SGCZ: variants seen among roughly 807,000 people sequenced by gnomAD.
SGCZ encodes the protein sarcoglycan zeta, also known as zeta-sarcoglycan.
A neutral mutation model predicts 41.3 loss-of-function variants in SGCZ; 40 were observed. The ratio of observed to expected loss-of-function variants is 0.97; its 90% confidence interval spans 0.75 to 1.26. The LOEUF (loss-of-function observed/expected upper bound fraction) is 1.26, where lower values mean the gene tolerates loss of function less well. Ranked by LOEUF, SGCZ falls within the 50% of genes most tolerant of loss-of-function variation. SGCZ has a pLI of 0.00. For synonymous variants in SGCZ, 206 were observed against 137.5 expected (o/e 1.50, Z -3.49); for missense variants, 552 against 369.8 (o/e 1.49, Z -4.04).
intron 1 of SGCZ, among the ~76,000 whole-genome samples, chr8:14,750,617 A>T (rs1231484465): frequency 6.6e-6 from 1 of 152,178 alleles, no homozygotes; most frequent in East Asian, 1.9e-4. Flanking sequence ...TAAAGCCTTT[A>T]AAACACATTA....
In SGCZ at chr8:14,834,214, T is replaced by G. The variant is rs1418098512; in HGVS notation, c.40-279288A>C. Reference sequence around the variant, plus strand: ...TGTCCTTCCTTAAAGAAATTCCTGATGCTGATAAATTAATCATTACCTGAA... The same window carrying G: ...TGTCCTTCCTTAAAGAAATTCCTGAGGCTGATAAATTAATCATTACCTGAA... On this transcript the variant is annotated intron_variant, in intron 1 of 7. Coordinates refer to ENST00000382080, the MANE Select transcript of SGCZ (RefSeq NM_139167.4). Among the ~76,000 whole-genome samples the G allele has an allele frequency of 7.9e-5, 12 of 152,218 alleles. No individual in the cohort carries two copies. The East Asian group carries it at 1.9e-3, about 24-fold the overall frequency.
intron 1 of SGCZ, among the ~76,000 whole-genome samples, chr8:14,573,672 T>C (rs1804627422): frequency 1.3e-5 from 2 of 152,142 alleles, no homozygotes; most frequent in Non-Finnish European, 1.5e-5. Context: ...GGTTCCCAAT[T>C]TCCAGCATCA....
chr8:14,738,342 T>C (rs1343018605), intron 1 of SGCZ, among the ~76,000 whole-genome samples: 1 of 152,134 alleles, frequency 6.6e-6, no homozygotes, highest in African/African-American at 2.4e-5. Context: ...TCCTTCATCA[T>C]GTGTGATCTA....
intron 1 of SGCZ, among the ~76,000 whole-genome samples, chr8:15,053,293 T>A (rs1804584265): frequency 6.6e-6 from 1 of 152,200 alleles, no homozygotes; most frequent in South Asian, 2.1e-4. Context: ...GTTTTTCTTT[T>A]ATTTGTTTTC....
At chr8:14,682,777 C>A (rs1468219950) in intron 1 of SGCZ, among the ~76,000 whole-genome samples, 1 of 152,130 alleles carries the variant, frequency 6.6e-6, no homozygotes, top group Non-Finnish European at 1.5e-5. Context: ...ATGCAGAATA[C>A]TTTACCTTAA....
chr8:14,682,339 T>C (rs1194191735), intron 1 of SGCZ, among the ~76,000 whole-genome samples: 1 of 152,144 alleles, frequency 6.6e-6, no homozygotes, highest in Non-Finnish European at 1.5e-5. Flanking sequence ...CAGATGGTGA[T>C]AATAGGAACA....
chr8:14,489,003 G>GTA (rs895048310), intron 2 of SGCZ, among the ~76,000 whole-genome samples: 85 of 147,856 alleles, frequency 5.7e-4, no homozygotes, highest in Non-Finnish European at 9.7e-4. Context: ...TAATATATAT[G>GTA]TATATATATA....
intron 1 of SGCZ, among the ~76,000 whole-genome samples, chr8:14,849,165 C>T (rs905129680): frequency 3.3e-5 from 5 of 152,064 alleles, no homozygotes; most frequent in Non-Finnish European, 5.9e-5. Flanking sequence ...ATTAAAGAGA[C>T]TGCTTGTGTC....
chr8:14,266,386 G>A (rs1206894711), intron 3 of SGCZ, among the ~76,000 whole-genome samples: 1 of 151,962 alleles, frequency 6.6e-6, no homozygotes, highest in East Asian at 1.9e-4. Context: ...TTCCACAGAA[G>A]CACCAAGATA....
chr8:14,457,585 G>T (rs373824398), intron 2 of SGCZ, among the ~76,000 whole-genome samples: 1 of 152,290 alleles, frequency 6.6e-6, no homozygotes, highest in Non-Finnish European at 1.5e-5. Flanking sequence ...CTCCTAGTCC[G>T]CCTTCATGTT....
chr8:14,352,066 T>A (rs1803120311), intron 2 of SGCZ, among the ~76,000 whole-genome samples: 1 of 152,174 alleles, frequency 6.6e-6, no homozygotes, highest in Admixed American at 6.6e-5. Flanking sequence ...TAGTATTATT[T>A]ACATTACATA....
At chr8:14,484,670 G>A (rs1036425418) in intron 2 of SGCZ, among the ~76,000 whole-genome samples, 1 of 151,850 alleles carries the variant, frequency 6.6e-6, no homozygotes, top group Non-Finnish European at 1.5e-5. Context: ...CTGAAAGATG[G>A]GAATATTATA....
intron 1 of SGCZ, among the ~76,000 whole-genome samples, chr8:15,233,788 CAATTAGCAGAAAA>C (rs746628823): frequency 4.6e-5 from 7 of 152,094 alleles, no homozygotes; most frequent in Non-Finnish European, 8.8e-5. Context: ...TCATGTTCTG[CAATTAGCAGAAAA>C]AAACTAATTT....
intron 1 of SGCZ, among the ~76,000 whole-genome samples, chr8:14,896,884 G>A (rs145666792): frequency 0.017 from 2,617 of 151,930 alleles, 80 homozygotes; most frequent in African/African-American, 0.059. Context: ...GGGTTGAAGC[G>A]ATTCTCCCGC....
intron 1 of SGCZ, among the ~76,000 whole-genome samples, chr8:14,767,469 C>T (rs117408641): frequency 1.3e-5 from 2 of 152,246 alleles, no homozygotes; most frequent in East Asian, 3.9e-4. Flanking sequence ...ATCAATTTTA[C>T]TCTAGCATTT....
intron 6 of SGCZ, 127 bp from the exon 7 acceptor site, chr8:14,102,626 A>G (rs1482184359): frequency 1.1e-6 from 1 of 872,030 alleles, no homozygotes; most frequent in Non-Finnish European, 1.5e-6. Context: ...AGACAGGCAT[A>G]AAGGAAAAGT....
chr8:14,429,964 T>C (rs1207372464), intron 2 of SGCZ, among the ~76,000 whole-genome samples: 1 of 152,156 alleles, frequency 6.6e-6, no homozygotes, highest in Non-Finnish European at 1.5e-5. Context: ...CATAGTAGTC[T>C]TGAACGATTT....
At chr8:14,495,394 C>T (rs759591394) in intron 2 of SGCZ, among the ~76,000 whole-genome samples, 9 of 152,118 alleles carry the variant, frequency 5.9e-5, no homozygotes, top group African/African-American at 9.7e-5. Flanking sequence ...GATTTGCAGA[C>T]TGTAATAGCA....
chr8:14,708,704 G>T (rs1030539381), intron 1 of SGCZ, among the ~76,000 whole-genome samples: 1 of 151,834 alleles, frequency 6.6e-6, no homozygotes, highest in African/African-American at 2.4e-5. Flanking sequence ...TTTTTAAAAA[G>T]TATTTTAGCT....
Sources: allele counts gnomAD v4.1 joint callset (sites outside exome capture counted in the v4.1 genomes callset), GRCh38; gene constraint gnomAD v4.1.1; transcripts MANE v1.5; gene names NCBI Gene and HGNC (gene_info 2026-07-23, HGNC 2026-07-21).